The following PHACTR2 variants were observed in gnomAD, a reference collection of about 807,000 sequenced individuals.
PHACTR2 encodes phosphatase and actin regulator 2, also known as chromosome 6 open reading frame 56.
A neutral mutation model predicts 76.0 loss-of-function variants in PHACTR2; 30 were observed. The observed-to-expected ratio is 0.39, with a 90% CI of 0.30 to 0.54. PHACTR2 has a LOEUF of 0.54. Among genes scored for constraint, PHACTR2 ranks in the 20% least tolerant of loss-of-function variants. The pLI is 0.61. For missense variants in PHACTR2, 696 were observed against 781.1 expected, an observed-to-expected ratio of 0.89 and a Z score of 1.30; for synonymous variants, 292 against 292.5, an observed-to-expected ratio of 1.00 and a Z score of 0.02.
rs186976367 is a variant in PHACTR2 at position 143,546,735 on chromosome 6, T to C, written c.217+9528T>C. On this transcript the variant is annotated intron_variant, in intron 1 of 11. Transcript: ENST00000367584. This position sits in a 1 kb window ranked among gnomAD's most constrained non-coding sequence, Gnocchi z 4.9. Reference sequence around the variant, plus strand: ...AGAAAGGTGTGATAATGATAAAGAATGTGATTTAGCCTGGGCGCAGTGGCT... The same window carrying C: ...AGAAAGGTGTGATAATGATAAAGAACGTGATTTAGCCTGGGCGCAGTGGCT... Among the ~76,000 whole-genome samples the C allele has an allele frequency of 7.6e-4, 116 of 152,120 alleles. No homozygotes were observed. The highest frequency in any genetic ancestry group is 3.4e-3 in the Middle Eastern group (1 of 294).
intron 2 of PHACTR2, among the ~76,000 whole-genome samples, chr6:143,728,200 C>CTTTTTTTTTTTTTTTTTTTT (rs769598990): frequency 7.6e-6 from 1 of 131,382 alleles, no homozygotes; most frequent in African/African-American, 2.9e-5. Context: ...TCTTTCTTTC[C>CTTTTTTTTTTTTTTTTTTTT]TTTTTTTTTT....
Position 143,710,982 on chromosome 6 carries a change from C to T in PHACTR2, c.47-1034C>T, listed in dbSNP as rs190316088. ...GACATCAGTACACTTCACCTCTAAACACTTCAGCATACATGTCATTAATTA... is the reference window on the plus strand; with the variant it reads ...GACATCAGTACACTTCACCTCTAAATACTTCAGCATACATGTCATTAATTA... On this transcript the variant is annotated intron_variant, in intron 1 of 12. Coordinates refer to ENST00000440869, the MANE Select transcript of PHACTR2 (RefSeq NM_001100164.2). The surrounding 1 kb of genome is among the most constrained non-coding windows in gnomAD (Gnocchi z 4.9). 3 of 508,786 alleles carry T rather than the reference C, an allele frequency of 5.9e-6. No homozygotes were observed. The Admixed American group carries it at 6.1e-5, about 10-fold the overall frequency. The allele number at this position is 508,786 out of a possible 1,614,324, so 31.5% of individuals were successfully genotyped here. A position where few individuals can be genotyped will look rare whatever the true frequency, so the allele number is the denominator to read the frequency against.
At chr6:143,587,888 C>T (rs1775646181) in intron 1 of PHACTR2, among the ~76,000 whole-genome samples, 1 of 152,070 alleles carries the variant, frequency 6.6e-6, no homozygotes, top group Admixed American at 6.5e-5. Flanking sequence ...TGGCACATGC[C>T]TGTAATCCCA....
At chr6:143,675,881 T>A (rs1777237289), upstream of PHACTR2, among the ~76,000 whole-genome samples, 1 of 149,118 alleles carries the variant, frequency 6.7e-6, no homozygotes, top group South Asian at 2.1e-4. The surrounding 1 kb of genome is among the most constrained non-coding windows in gnomAD (Gnocchi z 4.9). Context: ...GGGAAAATTA[T>A]CTTAAAATTC....
In PHACTR2 at chr6:143,730,005, C is replaced by G. The variant is rs1298994330; in HGVS notation, c.214+17822C>G. 6.6e-6 allele frequency among the ~76,000 whole-genome samples: 1 copy of G among 152,150 alleles called. No individual in the cohort carries two copies. The highest frequency in any genetic ancestry group is 2.4e-5 in the African/African-American group (1 of 41,450). On this transcript the variant is annotated intron_variant, in intron 2 of 12. Transcript: ENST00000440869. This position sits in a 1 kb window ranked among gnomAD's most constrained non-coding sequence, Gnocchi z 4.8. ...TATATGTGGTCTATTTCTGGACTCACTATTTTATTCTCTTAATCTGTGTCT... is the reference window on the plus strand; with the variant it reads ...TATATGTGGTCTATTTCTGGACTCAGTATTTTATTCTCTTAATCTGTGTCT...
Position 143,681,555 on chromosome 6 carries a change from T to A in PHACTR2, c.46+3346T>A, listed in dbSNP as rs115829964. Among the ~76,000 whole-genome samples, 307 of 152,258 alleles carry A rather than the reference T, an allele frequency of 2.0e-3. 3 individuals are homozygous for A. The highest frequency in any genetic ancestry group is 7.0e-3 in the African/African-American group (291 of 41,556). ...TCTCTGGGTTGTCTTTTCATCTTGG[T>A]AGAGTGATTTGCAGCTCAGAATTTT... On this transcript the variant is annotated intron_variant, in intron 1 of 12. Transcript: ENST00000440869.
chr6:143,764,671 A>AGT lies in PHACTR2; in HGVS notation c.695-589_695-588dup, dbSNP rs540909721. 3.9e-4 allele frequency among the ~76,000 whole-genome samples: 59 copies of AGT among 152,102 alleles called. No individual in the cohort carries two copies. Among genetic ancestry groups the AGT allele is most frequent in the Non-Finnish European group, 6.9e-4 (47 of 68,036 alleles). On this transcript the variant is annotated intron_variant, in intron 5 of 12. Coordinates refer to ENST00000440869, the MANE Select transcript of PHACTR2 (RefSeq NM_001100164.2). This position sits in a 1 kb window ranked among gnomAD's most constrained non-coding sequence, Gnocchi z 4.7. ...CCATCTCTACTGCAGATGGAAGTAG[A>AGT]GTCCAGCATGGCGAGCTTTCTTCTC...
chr6:143,726,035 G>A (rs976273969), intron 2 of PHACTR2, among the ~76,000 whole-genome samples: 4 of 152,056 alleles, frequency 2.6e-5, no homozygotes, highest in Non-Finnish European at 5.9e-5. Flanking sequence ...TCTAGTTTGG[G>A]GTAATTATAA....
In PHACTR2 at chr6:143,764,107, T is replaced by C. The variant is rs118117549; in HGVS notation, c.695-1154T>C. The stretch of plus-strand genomic sequence containing the variant: ...TATCCGGAAGTAGGCAAATATACCA[T>C]AGCTATCCTTCGATGAAGACCTTCT... On this transcript the variant is annotated intron_variant, in intron 5 of 12. Coordinates refer to ENST00000440869, the MANE Select transcript of PHACTR2 (RefSeq NM_001100164.2). This position sits in a 1 kb window ranked among gnomAD's most constrained non-coding sequence, Gnocchi z 4.7. Among the ~76,000 whole-genome samples the C allele has an allele frequency of 7.4e-3, 1,122 of 152,330 alleles. 31 individuals carry two copies. In the East Asian group the frequency reaches 0.086, roughly 12 times the overall value.
chr6:143,737,377 C>T (rs1778845911), intron 2 of PHACTR2, among the ~76,000 whole-genome samples: 1 of 151,910 alleles, frequency 6.6e-6, no homozygotes, highest in African/African-American at 2.4e-5. Flanking sequence ...TCAAGTGATC[C>T]TCCTGTCTCG....
chr6:143,740,914 T>A (rs1316224378), intron 2 of PHACTR2, among the ~76,000 whole-genome samples: 1 of 152,192 alleles, frequency 6.6e-6, no homozygotes, highest in Non-Finnish European at 1.5e-5. Flanking sequence ...ATGTATTTAG[T>A]CTCTGTAAGT....
rs13199393 is a variant in PHACTR2 at position 143,616,918 on chromosome 6, G to A, written c.13+8596G>A. 5.3e-5 allele frequency among the ~76,000 whole-genome samples: 8 copies of A among 152,006 alleles called. No individual in the cohort carries two copies. Among genetic ancestry groups the A allele is most frequent in the Admixed American group, 3.3e-4 (5 of 15,280 alleles). The stretch of plus-strand genomic sequence containing the variant: ...AAACACACACGCCCCCAGACAGGAC[G>A]TTGACTGGGATGTCTGAGCAACAAG... On this transcript the variant is annotated intron_variant, in intron 1 of 11. Transcript: ENST00000305766. This position sits in a 1 kb window ranked among gnomAD's most constrained non-coding sequence, Gnocchi z 4.9.
At position 143,576,322 on chromosome 6, in the gene PHACTR2, C is replaced by T. The variant is rs181666403; in HGVS notation, c.217+39115C>T. Among the ~76,000 whole-genome samples the T allele has an allele frequency of 1.5e-3, 222 of 152,296 alleles. 3 individuals are homozygous for T. Among genetic ancestry groups the T allele is most frequent in the Admixed American group, 0.012 (186 of 15,300 alleles). ...CTCTTCTCACGCATTTTCTAGATTA[C>T]GTATTTTACAAGTCGTGGGGTGATT... On this transcript the variant is annotated intron_variant, in intron 1 of 11. Transcript: ENST00000367584.
intron 1 of PHACTR2, among the ~76,000 whole-genome samples, chr6:143,567,856 T>G (rs1461630218): frequency 1.3e-5 from 2 of 152,190 alleles, no homozygotes; most frequent in Non-Finnish European, 2.9e-5. Flanking sequence ...TGCTCTGAGA[T>G]TTGGGAGAGA....
Position 143,824,721 on chromosome 6 carries a change from A to G in PHACTR2, c.*1032A>G. The G allele has an allele frequency of 6.6e-6, 1 of 152,580 alleles. No homozygotes were observed. Among genetic ancestry groups the G allele is most frequent in the South Asian group, 2.1e-4 (1 of 4,834 alleles). 9.5% of individuals were successfully genotyped at this position (152,580 alleles called of 1,614,324 possible). ...TGCCTGCAGTTAGTCCTGCATGGGA[A>G]TAAGGACTAGTTATTTTTTTAGTGC... On this transcript the variant is annotated 3_prime_UTR_variant, in exon 13 of 13. Transcript: ENST00000440869. This position sits in a 1 kb window ranked among gnomAD's most constrained non-coding sequence, Gnocchi z 6.3.
In PHACTR2 at chr6:143,623,055, T is replaced by G. The variant is rs1165024265; in HGVS notation, c.13+14733T>G. Reference sequence around the variant, plus strand: ...CTTTTCAGATTACCTTCCCTAACACTGATGTCAAATATGCCGGTGAAGAGT... The same window carrying G: ...CTTTTCAGATTACCTTCCCTAACACGGATGTCAAATATGCCGGTGAAGAGT... On this transcript the variant is annotated intron_variant, in intron 1 of 11. Coordinates refer to the PHACTR2 transcript ENST00000305766. This position sits in a 1 kb window ranked among gnomAD's most constrained non-coding sequence, Gnocchi z 5.9. Among the ~76,000 whole-genome samples, 1 of 152,164 alleles carries G rather than the reference T, an allele frequency of 6.6e-6. No homozygotes were observed. Among genetic ancestry groups the G allele is most frequent in the African/African-American group, 2.4e-5 (1 of 41,438 alleles).
chr6:143,698,599 C>G lies in PHACTR2; in HGVS notation c.47-13417C>G, dbSNP rs1777826964. Among the ~76,000 whole-genome samples, 1 of 152,228 alleles carries G rather than the reference C, an allele frequency of 6.6e-6. No individual in the cohort carries two copies. The highest frequency in any genetic ancestry group is 1.5e-5 in the Non-Finnish European group (1 of 68,038). On this transcript the variant is annotated intron_variant, in intron 1 of 12. Coordinates refer to ENST00000440869, the MANE Select transcript of PHACTR2 (RefSeq NM_001100164.2). The surrounding 1 kb of genome is among the most constrained non-coding windows in gnomAD (Gnocchi z 4.3). ...ATTTGGAGGCCATCTTGTGCTATGT[C>G]TGCCGTGGGAACTAATGCCACAGTA...
chr6:143,810,576 A>G (rs922209672), intron 12 of PHACTR2: 4 of 453,760 alleles, frequency 8.8e-6, no homozygotes, highest in African/African-American at 4.0e-5. Flanking sequence ...TGATTTGACT[A>G]TCCAAAACTT....
At position 143,782,528 on chromosome 6, in the gene PHACTR2, T is replaced by C. The variant is rs964489968; in HGVS notation, c.1646-691T>C. On this transcript the variant is annotated intron_variant, in intron 9 of 12. Coordinates refer to ENST00000440869, the MANE Select transcript of PHACTR2 (RefSeq NM_001100164.2). The surrounding 1 kb of genome is among the most constrained non-coding windows in gnomAD (Gnocchi z 4.6). Reference sequence around the variant, plus strand: ...GACATTTTTCTTTAAATCCCATCTGTTGGGCAGCATAAAATCGTACTACTT... The same window carrying C: ...GACATTTTTCTTTAAATCCCATCTGCTGGGCAGCATAAAATCGTACTACTT... Among the ~76,000 whole-genome samples, 7 of 152,148 alleles carry C rather than the reference T, an allele frequency of 4.6e-5. No homozygotes were observed. Among genetic ancestry groups the C allele is most frequent in the Admixed American group, 6.5e-5 (1 of 15,282 alleles).
Sources: gnomAD v4.1 joint callset for allele counts (sites outside exome capture counted in the v4.1 genomes callset) on GRCh38, gnomAD v4.1.1 for gene constraint, Gnocchi (gnomAD v3.1) non-coding constraint, MANE v1.5 for transcripts, NCBI Gene and HGNC (gene_info 2026-07-23, HGNC 2026-07-21) for gene names.